TMEM240: variants seen among roughly 807,000 people sequenced by gnomAD.
TMEM240 encodes transmembrane protein 240, also known as transmembrane protein C1orf70.
A neutral mutation model predicts 19.5 loss-of-function variants in TMEM240; 3 were observed. That is an observed-to-expected ratio of 0.15 (90% CI 0.07 to 0.40). The LOEUF (loss-of-function observed/expected upper bound fraction) is 0.40. Ranked by LOEUF, TMEM240 falls within the 10% of genes least tolerant of loss-of-function variation. The probability of loss-of-function intolerance (pLI) is 1.00; values close to 1 mark genes in which losing one functional copy is unlikely to be tolerated. For missense variants in TMEM240, 210 were observed against 253.5 expected (o/e 0.83, Z 1.17); for synonymous variants, 123 against 109.3 (o/e 1.13, Z -0.78).
In TMEM240 at chr1:1,535,886, C is replaced by G. The variant is rs999233152; in HGVS notation, c.165-89G>C. On this transcript the variant is annotated intron_variant, in intron 2 of 3. Transcript: ENST00000378733. This position sits in a 1 kb window ranked among gnomAD's most constrained non-coding sequence, Gnocchi z 8.2. ...GCCTACCCCGTGGTGGGGGTGTGAC[C>G]GCGTCAGGCCGCCCTGGGGGTTCTC... 1.3e-6 allele frequency: 1 copy of G among 789,634 alleles called. No homozygotes were observed. Among genetic ancestry groups the G allele is most frequent in the Non-Finnish European group, 1.9e-6 (1 of 528,330 alleles). 48.9% of individuals were successfully genotyped at this position (789,634 alleles called of 1,614,324 possible).
intron 2 of TMEM240, among the ~76,000 whole-genome samples, chr1:1,538,728 A>C (rs1049169181): frequency 5.9e-5 from 9 of 152,204 alleles, no homozygotes; most frequent in African/African-American, 2.2e-4. Context: ...CGCCTGCTGC[A>C]CCCATAGGCA....
chr1:1,537,799 C>T (rs891683919), intron 2 of TMEM240, among the ~76,000 whole-genome samples: 1 of 152,188 alleles, frequency 6.6e-6, no homozygotes, highest in African/African-American at 2.4e-5. Flanking sequence ...CGGTGTGTCA[C>T]GCGAGTGCAT....
At position 1,540,446 on chromosome 1, in the gene TMEM240, G is replaced by T; in HGVS notation, c.-100C>A. 1 of 348,500 alleles carries T rather than the reference G, an allele frequency of 2.9e-6. No homozygotes were observed. Among genetic ancestry groups the T allele is most frequent in the Non-Finnish European group, 4.2e-6 (1 of 240,826 alleles). The allele number at this position is 348,500 out of a possible 1,614,324, so 21.6% of individuals were successfully genotyped here. On this transcript the variant is annotated 5_prime_UTR_variant, in exon 1 of 4. Transcript: ENST00000378733. ...CCCCGCCGCCTCCGCAGAGGTCAGC[G>T]CTTCCCTGGATCGTCCGCCGCCGCT...
At chr1:1,538,862 C>T (rs191604057) in intron 2 of TMEM240, among the ~76,000 whole-genome samples, 16 of 152,314 alleles carry the variant, frequency 1.1e-4, no homozygotes, top group Non-Finnish European at 2.1e-4. Context: ...GGGCTGGTGC[C>T]CCCTTTGTCC....
intron 2 of TMEM240, among the ~76,000 whole-genome samples, chr1:1,537,360 G>GGCAGCTGCTGACCACTGCCCAGAATGT (rs1642237976): frequency 6.6e-6 from 1 of 152,084 alleles, no homozygotes; most frequent in Non-Finnish European, 1.5e-5. Flanking sequence ...GTCACCAATG[G>GGCAGCTGCTGACCACTGCCCAGAATGT]GCAGCTGCTG....
Position 1,536,108 on chromosome 1 carries a change from C to T in TMEM240, c.165-311G>A, listed in dbSNP as rs1241561905. On this transcript the variant is annotated intron_variant, in intron 2 of 3. Transcript: ENST00000378733. This position sits in a 1 kb window ranked among gnomAD's most constrained non-coding sequence, Gnocchi z 5.4. ...CACCTCCTCCCTGAGGCCTGGAGCT[C>T]ACGGGAAGGTGCTGCAGGTGGAAGA... 6.6e-6 allele frequency among the ~76,000 whole-genome samples: 1 copy of T among 152,118 alleles called. No homozygotes were observed. The highest frequency in any genetic ancestry group is 1.9e-4 in the East Asian group (1 of 5,178).
At chr1:1,537,060 C>T (rs1156776897) in intron 2 of TMEM240, among the ~76,000 whole-genome samples, 1 of 152,072 alleles carries the variant, frequency 6.6e-6, no homozygotes, top group Non-Finnish European at 1.5e-5. Flanking sequence ...TTGCAGCCCT[C>T]TCCAGGCCAT....
Position 1,535,202 on chromosome 1 carries a change from CAG to C in TMEM240, c.*155_*156del. 3.2e-6 allele frequency: 2 copies of C among 628,278 alleles called. No homozygotes were observed. Among genetic ancestry groups the C allele is most frequent in the Non-Finnish European group, 5.0e-6 (2 of 398,024 alleles). 38.9% of individuals were successfully genotyped at this position (628,278 alleles called of 1,614,324 possible). A position where few individuals can be genotyped will look rare whatever the true frequency, so the allele number is the denominator to read the frequency against. ...CAACCCCCTTTATAAAAAGAAGAGA[CAG>C]CACCTTCCACTGGACTCTCCCGGCC... On this transcript the variant is annotated 3_prime_UTR_variant, in exon 4 of 4. Transcript: ENST00000378733. This position sits in a 1 kb window ranked among gnomAD's most constrained non-coding sequence, Gnocchi z 8.2.
In TMEM240 at chr1:1,540,512, G is replaced by C. The variant is rs915208356; in HGVS notation, c.-166C>G. On this transcript the variant is annotated 5_prime_UTR_variant, in exon 1 of 4. Transcript: ENST00000378733. ...ACCGGCCGGGGGGAGGAGGCGCGGG[G>C]GGGGGGGCGCCGGGGAGGGACGCGG... The C allele has an allele frequency of 7.9e-5, 14 of 176,460 alleles. No homozygotes were observed. Among genetic ancestry groups the C allele is most frequent in the East Asian group, 3.3e-4 (2 of 6,038 alleles). The allele number at this position is 176,460 out of a possible 1,614,324, so 10.9% of individuals were successfully genotyped here.
In TMEM240 at chr1:1,539,650, ACGCGTGTCGAGCCGG is replaced by A. The variant is rs1370981507; in HGVS notation, c.164+19_164+33del. 5.6e-5 allele frequency: 86 copies of A among 1,523,964 alleles called. No individual in the cohort carries two copies. The highest frequency in any genetic ancestry group is 7.1e-5 in the Non-Finnish European group (80 of 1,125,474). The allele number at this position is 1,523,964 out of a possible 1,614,324, so 94.4% of individuals were successfully genotyped here. A position where few individuals can be genotyped will look rare whatever the true frequency, so the allele number is the denominator to read the frequency against. ...TGGGCCCCGCCACACATGTGCGCTC[ACGCGTGTCGAGCCGG>A]CGCCGGTTGTGGACTCACCGGCCAC... On this transcript the variant is annotated intron_variant, in intron 2 of 3. Coordinates refer to ENST00000378733, the MANE Select transcript of TMEM240 (RefSeq NM_001114748.2).
chr1:1,537,033 C>T (rs1411344957), intron 2 of TMEM240, among the ~76,000 whole-genome samples: 1 of 152,152 alleles, frequency 6.6e-6, no homozygotes, highest in East Asian at 1.9e-4. Context: ...CCCAGCCTGT[C>T]CGTCCAACCC....
chr1:1,539,737 G>A lies in TMEM240; in HGVS notation c.111C>T (p.Tyr37=), dbSNP rs1331566823. 5 of 1,548,058 alleles carry A rather than the reference G, an allele frequency of 3.2e-6. No individual in the cohort carries two copies. In the East Asian group the frequency reaches 9.8e-5, roughly 30 times the overall value. ...MNALLDRFHN[Y]ILPHLRGEDR... is the part of the protein sequence containing the mutation. ...CCTCGCCCCGCAGGTGCGGGAGGAT[G>A]TAGTTGTGGAATCGGTCCAGCAGCG... Residue 37 remains tyrosine, a synonymous_variant, in exon 2 of 4, where the codon TAC becomes TAT. Transcript: ENST00000378733.
chr1:1,535,198 G>T lies in TMEM240; in HGVS notation c.*161C>A. On this transcript the variant is annotated 3_prime_UTR_variant, in exon 4 of 4. Transcript: ENST00000378733. The surrounding 1 kb of genome is among the most constrained non-coding windows in gnomAD (Gnocchi z 8.2). ...ACCCCAACCCCCTTTATAAAAAGAA[G>T]AGACAGCACCTTCCACTGGACTCTC... The T allele has an allele frequency of 2.1e-6, 1 of 469,860 alleles. No individual in the cohort carries two copies. 29.1% of individuals were successfully genotyped at this position (469,860 alleles called of 1,614,324 possible). A position where few individuals can be genotyped will look rare whatever the true frequency, so the allele number is the denominator to read the frequency against.
rs1570374705 is a variant in TMEM240, at chr1:1,540,418, A to T, written c.-72T>A. 4.8e-5 allele frequency: 26 copies of T among 546,748 alleles called. 1 individual carries two copies. In the East Asian group the frequency reaches 2.8e-3, roughly 60 times the overall value. The allele number at this position is 546,748 out of a possible 1,614,324, so 33.9% of individuals were successfully genotyped here. A position where few individuals can be genotyped will look rare whatever the true frequency, so the allele number is the denominator to read the frequency against. ...CCCCCCCGGCCCCGGCCCGATGCTG[A>T]GCCCCCGCCGCCTCCGCAGAGGTCA... On this transcript the variant is annotated 5_prime_UTR_variant, in exon 1 of 4. Transcript: ENST00000378733.
rs1485213851 is a variant in TMEM240 at position 1,540,612 on chromosome 1, C to T, written c.-266G>A. On this transcript the variant is annotated 5_prime_UTR_variant, in exon 1 of 4. Coordinates refer to ENST00000378733, the MANE Select transcript of TMEM240 (RefSeq NM_001114748.2). ...CGGGTCCTCCCTGCGATGCGCTCGG[C>T]TCGGCTCGACTCGGCTCCGCTCGGC... Among the ~76,000 whole-genome samples, 2 of 151,010 alleles carry T rather than the reference C, an allele frequency of 1.3e-5. No homozygotes were observed. Among genetic ancestry groups the T allele is most frequent in the Non-Finnish European group, 3.0e-5 (2 of 67,476 alleles).
Position 1,535,235 on chromosome 1 carries a change from C to G in TMEM240, c.*124G>C. ...TCCACTGGACTCTCCCGGCCGGCCA[C>G]AGCCCCGGACAACCTGGGCCCAGGG... On this transcript the variant is annotated 3_prime_UTR_variant, in exon 4 of 4. Transcript: ENST00000378733. The surrounding 1 kb of genome is among the most constrained non-coding windows in gnomAD (Gnocchi z 8.2). The G allele has an allele frequency of 8.6e-7, 1 of 1,167,366 alleles. No individual in the cohort carries two copies. The highest frequency in any genetic ancestry group is 1.2e-6 in the Non-Finnish European group (1 of 846,714). 72.3% of individuals were successfully genotyped at this position (1,167,366 alleles called of 1,614,324 possible).
At position 1,536,763 on chromosome 1, in the gene TMEM240, G is replaced by T. The variant is rs1472859127; in HGVS notation, c.165-966C>A. The stretch of plus-strand genomic sequence containing the variant: ...TCCAACAGGAGGGCCTGGGAGTGGA[G>T]CCCGCGGGCCCCACGCGCCTTGCGG... On this transcript the variant is annotated intron_variant, in intron 2 of 3. Transcript: ENST00000378733. The surrounding 1 kb of genome is among the most constrained non-coding windows in gnomAD (Gnocchi z 5.4). 6.6e-6 allele frequency among the ~76,000 whole-genome samples: 1 copy of T among 152,116 alleles called. No homozygotes were observed. The highest frequency in any genetic ancestry group is 1.5e-5 in the Non-Finnish European group (1 of 67,996).
At position 1,535,625 on chromosome 1, in the gene TMEM240, A is replaced by G. The variant is rs1383435722; in HGVS notation, c.337T>C (p.Cys113Arg). 6.5e-7 allele frequency: 1 copy of G among 1,549,808 alleles called. No homozygotes were observed. Among genetic ancestry groups the G allele is most frequent in the African/African-American group, 1.4e-5 (1 of 73,140 alleles). Residue 113 changes from cysteine (C) to arginine (R), a missense_variant, in exon 3 of 4, where the codon TGC becomes CGC. Cys to Arg is a radical substitution (Grantham distance 180). Around this residue, in one of 3 missense-constraint regions of TMEM240, gnomAD observed 157 missense variants for 168.2 expected, o/e 0.93. Coordinates refer to ENST00000378733, the MANE Select transcript of TMEM240 (RefSeq NM_001114748.2). The surrounding 1 kb of genome is among the most constrained non-coding windows in gnomAD (Gnocchi z 8.2). ...FLVWMDGVLH[C>R]AVRAWRAGRR... The stretch of plus-strand genomic sequence containing the variant: ...CCGGCTCTCCAGGCGCGCACGGCGC[A>G]GTGCAGGACGCCGTCCATCCACACC...
At chr1:1,539,825 C>T in intron 1 of TMEM240, 35 bp from the exon 2 acceptor site, 1 of 1,196,778 alleles carries the variant, frequency 8.4e-7, no homozygotes, top group South Asian at 1.3e-5. Flanking sequence ...CGCCAAGGAG[C>T]GGGCGGGACG....
Sources: gnomAD v4.1 joint callset for allele counts (sites outside exome capture counted in the v4.1 genomes callset) on GRCh38, gnomAD v4.1.1 for gene constraint, gnomAD v4.1.1 regional missense constraint, Gnocchi (gnomAD v3.1) non-coding constraint, MANE v1.5 for transcripts, NCBI Gene and HGNC (gene_info 2026-07-23, HGNC 2026-07-21) for gene names.